CATSPERT: variants seen among roughly 807,000 people sequenced by gnomAD.
CATSPERT encodes cation channel sperm-associated targeting subunit tau.
At chr2:201,593,472 G>T in the CATSPERT span, among the ~76,000 whole-genome samples, 1 of 147,132 alleles carries the variant, frequency 6.8e-6, no homozygotes, top group African/African-American at 2.5e-5. Context: ...ATTTGGGGTG[G>T]AGAGTTCTGT....
At chr2:201,581,192 A>G in the CATSPERT span, among the ~76,000 whole-genome samples, 1 of 151,192 alleles carries the variant, frequency 6.6e-6, no homozygotes, top group Non-Finnish European at 1.5e-5. Flanking sequence ...GATTATTTGA[A>G]CTCAGGAGTA....
At chr2:201,560,506 A>G in the CATSPERT span, among the ~76,000 whole-genome samples, 1 of 151,408 alleles carries the variant, frequency 6.6e-6, no homozygotes, top group African/African-American at 2.4e-5. Flanking sequence ...GAAATGTACA[A>G]TAGAGACCAG....
At chr2:201,605,208 A>G in the CATSPERT span, among the ~76,000 whole-genome samples, 1 of 152,304 alleles carries the variant, frequency 6.6e-6, no homozygotes, top group East Asian at 1.9e-4. Flanking sequence ...AACAGAGAGG[A>G]GTAGGGAACA....
chr2:201,618,917 C>T, the CATSPERT span: 18 of 1,613,606 alleles, frequency 1.1e-5, no homozygotes, highest in Admixed American at 5.0e-5. Flanking sequence ...AGCCGGTGCC[C>T]GGTGCCCTCC....
chr2:201,503,760 A>AT, the CATSPERT span, among the ~76,000 whole-genome samples: 55,461 of 151,394 alleles, frequency 0.37, 10,408 homozygotes, highest in Admixed American at 0.45. Context: ...TGATTGATAA[A>AT]TTTTTTTTTC....
the CATSPERT span, among the ~76,000 whole-genome samples, chr2:201,592,139 T>G: frequency 6.6e-6 from 1 of 152,196 alleles, no homozygotes; most frequent in Non-Finnish European, 1.5e-5. Flanking sequence ...AGATAGCTCT[T>G]ATTATTTTGA....
At chr2:201,541,553 ATATATATATAT>A in the CATSPERT span, among the ~76,000 whole-genome samples, 20 of 116,560 alleles carry the variant, frequency 1.7e-4, 1 homozygote, top group African/African-American at 6.9e-4. Context: ...ATATATATAT[ATATATATATAT>A]ATATATATAT....
At chr2:201,601,852 G>T in the CATSPERT span, 1 of 1,603,830 alleles carries the variant, frequency 6.2e-7, no homozygotes, top group Non-Finnish European at 8.5e-7. Flanking sequence ...ATAGAGATGC[G>T]AATGAATAAA....
chr2:201,497,230 A>C, the CATSPERT span, among the ~76,000 whole-genome samples: 1 of 152,362 alleles, frequency 6.6e-6, no homozygotes, highest in African/African-American at 2.4e-5. Context: ...TTGTCCTCAC[A>C]TACCAACTCT....
At chr2:201,579,106 TAAG>T in the CATSPERT span, among the ~76,000 whole-genome samples, 1 of 152,160 alleles carries the variant, frequency 6.6e-6, no homozygotes, top group Non-Finnish European at 1.5e-5. Context: ...ACTGTAAAAA[TAAG>T]AAAATTCATA....
chr2:201,568,546 A>C, the CATSPERT span, among the ~76,000 whole-genome samples: 3 of 152,180 alleles, frequency 2.0e-5, no homozygotes, highest in African/African-American at 4.8e-5. Context: ...AACCACATCT[A>C]GTATAGCAGC....
At chr2:201,550,140 C>A in the CATSPERT span, 1 of 152,146 alleles carries the variant, frequency 6.6e-6, no homozygotes, top group Non-Finnish European at 1.5e-5. Context: ...GGCCTAAAAA[C>A]AGATTAAATT....
chr2:201,585,611 A>G, the CATSPERT span, among the ~76,000 whole-genome samples: 1 of 152,276 alleles, frequency 6.6e-6, no homozygotes, highest in East Asian at 1.9e-4. Context: ...ATTACAACTC[A>G]AGGGAATTAA....
At chr2:201,570,055 G>A in the CATSPERT span, among the ~76,000 whole-genome samples, 8 of 151,994 alleles carry the variant, frequency 5.3e-5, no homozygotes, top group Admixed American at 5.2e-4. Flanking sequence ...GGTAACAAAT[G>A]CCTGTATTTC....
chr2:201,502,832 C>T, the CATSPERT span, among the ~76,000 whole-genome samples: 6 of 151,734 alleles, frequency 4.0e-5, no homozygotes, highest in African/African-American at 1.2e-4. Flanking sequence ...TTCAGTTCCC[C>T]TCCCAGACTC....
chr2:201,617,901 T>C, the CATSPERT span, among the ~76,000 whole-genome samples: 3 of 152,130 alleles, frequency 2.0e-5, no homozygotes, highest in Admixed American at 6.5e-5. Context: ...GGGCAAAGTA[T>C]ATGAACAGAC....
At chr2:201,618,042 TA>T in the CATSPERT span, among the ~76,000 whole-genome samples, 6 of 152,134 alleles carry the variant, frequency 3.9e-5, no homozygotes, top group East Asian at 1.2e-3. Flanking sequence ...TGGCAATCAT[TA>T]AAAAGTCAGG....
the CATSPERT span, among the ~76,000 whole-genome samples, chr2:201,590,618 C>T: frequency 6.6e-6 from 1 of 152,124 alleles, no homozygotes; most frequent in Non-Finnish European, 1.5e-5. Flanking sequence ...TAAAAGTGTT[C>T]CTATTTCTCC....
chr2:201,609,499 A>G, the CATSPERT span, among the ~76,000 whole-genome samples: 6 of 152,214 alleles, frequency 3.9e-5, no homozygotes, highest in Non-Finnish European at 8.8e-5. Context: ...ATCTTCTGAG[A>G]CCACAATGGA....
Sources: gnomAD v4.1 joint callset for allele counts (sites outside exome capture counted in the v4.1 genomes callset) on GRCh38, gnomAD v4.1.1 for gene constraint, MANE v1.5 for transcripts, NCBI Gene and HGNC (gene_info 2026-07-23, HGNC 2026-07-21) for gene names.